Variants in SLC1A1 observed in about 807,000 individuals in gnomAD.
SLC1A1 encodes excitatory amino acid transporter 3.
SLC1A1 carries 43 observed loss-of-function variants against 53.3 expected under a neutral mutation model. That is an observed-to-expected ratio of 0.81 (90% CI 0.63 to 1.04). SLC1A1 has a LOEUF of 1.04. SLC1A1 is among the 50% of genes least tolerant of loss of function. The pLI is 0.00. For synonymous variants in SLC1A1, 307 were observed against 243.2 expected (o/e 1.26, Z -2.44); for missense variants, 748 against 664.9 (o/e 1.12, Z -1.37).
At chr9:4,530,389 C>T (rs991558298) in intron 1 of SLC1A1, among the ~76,000 whole-genome samples, 1 of 152,168 alleles carries the variant, frequency 6.6e-6, no homozygotes, top group African/African-American at 2.4e-5. Context: ...ACCTTTGATT[C>T]AGGAGCGGCT....
chr9:4,561,584 A>AT (rs745493477), intron 3 of SLC1A1, 43 bp downstream of exon 3: 7 of 1,221,234 alleles, frequency 5.7e-6, no homozygotes, highest in East Asian at 4.6e-5. Context: ...TGTAATGGTG[A>AT]TTTTTTCATT....
chr9:4,567,914 A>G (rs1819639982), intron 6 of SLC1A1, 147 bp downstream of exon 6: 8 of 704,066 alleles, frequency 1.1e-5, no homozygotes, highest in Middle Eastern at 4.6e-4. Context: ...CCCAAAATCC[A>G]TACTTAAGGG....
At chr9:4,491,266 G>C (rs1326770260) in intron 1 of SLC1A1, among the ~76,000 whole-genome samples, 1 of 152,182 alleles carries the variant, frequency 6.6e-6, no homozygotes, top group East Asian at 1.9e-4. Context: ...GGGGAGGGAG[G>C]CTGAGAACGC....
Position 4,576,109 on chromosome 9 carries a change from C to G in SLC1A1, c.984C>G (p.Leu328=). 1 of 1,613,990 alleles carries G rather than the reference C, an allele frequency of 6.2e-7. No individual in the cohort carries two copies. The highest frequency in any genetic ancestry group is 1.1e-5 in the South Asian group (1 of 91,074). ...TGGCCCAGGCTCTCCTGACAGCTCT[C>G]ATGATCTCTTCCAGGTAAACAGAAG... ...MGMAQALLTA[L]MISSSSATLP... The change falls in exon 9 of 12, where the codon CTC becomes CTG. Residue 328 remains leucine, a synonymous_variant. Transcript: ENST00000262352.
At position 4,585,468 on chromosome 9, in the gene SLC1A1, A is replaced by G; in HGVS notation, c.1485A>G (p.Glu495=). ...TGGAATCCACAATCCTTGACAACGA[A>G]GACTCAGACACCAAGAAGTCTTATG... ...FALESTILDN[E]DSDTKKSYVN... is the part of the protein sequence containing the mutation. The change falls in exon 12 of 12, where the codon GAA becomes GAG. Residue 495 remains glutamate (E), a synonymous_variant. Transcript: ENST00000262352. 1.2e-6 allele frequency: 2 copies of G among 1,614,202 alleles called. No individual in the cohort carries two copies. The highest frequency in any genetic ancestry group is 1.7e-6 in the Non-Finnish European group (2 of 1,180,042).
At chr9:4,528,287 T>C (rs115041580) in intron 1 of SLC1A1, among the ~76,000 whole-genome samples, 1 of 150,368 alleles carries the variant, frequency 6.7e-6, no homozygotes, top group Non-Finnish European at 1.5e-5. Context: ...AAATGCAAGT[T>C]AGGAGGTGGG....
intron 2 of SLC1A1, chr9:4,560,096 T>A (rs1048054095): frequency 6.6e-5 from 10 of 152,234 alleles, no homozygotes; most frequent in African/African-American, 2.4e-4. Context: ...TCTCTGACAT[T>A]ACCTGTGCCC....
At position 4,518,139 on chromosome 9, in the gene SLC1A1, G is replaced by A. The variant is rs562998244; in HGVS notation, c.92-26428G>A. On this transcript the variant is annotated intron_variant, in intron 1 of 11. Coordinates refer to ENST00000262352, the MANE Select transcript of SLC1A1 (RefSeq NM_004170.6). ...TAATCCCAGCTACTCAGGAGGCTGA[G>A]GCAGGAGAATTGCTGAACCTGGGAG... Among the ~76,000 whole-genome samples, 6 of 147,862 alleles carry A rather than the reference G, an allele frequency of 4.1e-5. No individual in the cohort carries two copies. The South Asian group carries it at 1.1e-3, about 26-fold the overall frequency.
chr9:4,512,329 G>A (rs917814235), intron 1 of SLC1A1, among the ~76,000 whole-genome samples: 4 of 151,980 alleles, frequency 2.6e-5, no homozygotes, highest in Non-Finnish European at 5.9e-5. Context: ...CTTGGGCAAC[G>A]TGGCAAAACT....
intron 1 of SLC1A1, among the ~76,000 whole-genome samples, chr9:4,517,920 A>G (rs1193757535): frequency 6.6e-6 from 1 of 151,964 alleles, no homozygotes; most frequent in East Asian, 1.9e-4. Flanking sequence ...AATGTATTTC[A>G]ACCCTATCTT....
At chr9:4,574,809 C>G (rs891756176) in intron 8 of SLC1A1, among the ~76,000 whole-genome samples, 1 of 152,230 alleles carries the variant, frequency 6.6e-6, no homozygotes, top group African/African-American at 2.4e-5. Context: ...GAGCAATGAA[C>G]TCACCTATTG....
At chr9:4,505,410 A>C (rs1016451895) in intron 1 of SLC1A1, among the ~76,000 whole-genome samples, 9 of 152,000 alleles carry the variant, frequency 5.9e-5, no homozygotes, top group South Asian at 2.1e-4. Context: ...TTTTAAGTTC[A>C]CAGAACAGTT....
chr9:4,576,371 C>G (rs529934894), intron 9 of SLC1A1, among the ~76,000 whole-genome samples, 198 bp from the exon 10 acceptor site: 1 of 152,352 alleles, frequency 6.6e-6, no homozygotes, highest in Admixed American at 6.5e-5. Flanking sequence ...ACAGCACCTT[C>G]TGATTCCTGG....
At chr9:4,584,601 G>C (rs949533199) in intron 11 of SLC1A1, among the ~76,000 whole-genome samples, 1 of 152,176 alleles carries the variant, frequency 6.6e-6, no homozygotes, top group Admixed American at 6.5e-5. Flanking sequence ...GATTCCCCCT[G>C]CATGCAGTTC....
Position 4,585,465 on chromosome 9 carries a change from C to G in SLC1A1, c.1482C>G (p.Asn494Lys). The change falls in exon 12 of 12, where the codon AAC (asparagine) becomes AAG (lysine). Residue 494 changes from asparagine to lysine, a missense_variant. Physicochemically the swap from Asn to Lys is moderately conservative, Grantham distance 94 (BLOSUM62 0). Transcript: ENST00000262352. ...PFALESTILD[N>K]EDSDTKKSYV... ...CCTTGGAATCCACAATCCTTGACAA[C>G]GAAGACTCAGACACCAAGAAGTCTT... The G allele has an allele frequency of 6.2e-7, 1 of 1,614,122 alleles. No individual in the cohort carries two copies. Among genetic ancestry groups the G allele is most frequent in the Non-Finnish European group, 8.5e-7 (1 of 1,180,006 alleles).
intron 1 of SLC1A1, among the ~76,000 whole-genome samples, chr9:4,499,532 T>A (rs1161308548): frequency 6.6e-6 from 1 of 152,240 alleles, no homozygotes; most frequent in East Asian, 1.9e-4. Flanking sequence ...CTGAAATGAT[T>A]CTGATTTTTG....
At position 4,572,235 on chromosome 9, in the gene SLC1A1, T is replaced by A. The variant is rs1269558280; in HGVS notation, c.614T>A (p.Met205Lys). 6.2e-7 allele frequency: 1 copy of A among 1,613,806 alleles called. No homozygotes were observed. The highest frequency in any genetic ancestry group is 8.5e-7 in the Non-Finnish European group (1 of 1,179,672). Residue 205 changes from methionine to lysine, a missense_variant, in exon 7 of 12, where the codon ATG (methionine) becomes AAG (lysine). Transcript: ENST00000262352. Reference sequence around the variant, plus strand: ...ACAAAGGAATACAAAATTGTTGGCATGTATTCAGATGGCATAAACGTCCTG... The same window carrying A: ...ACAAAGGAATACAAAATTGTTGGCAAGTATTCAGATGGCATAAACGTCCTG... ...NKTKEYKIVGMYSDGINVLGL... is the reference protein window; with the variant it reads ...NKTKEYKIVGKYSDGINVLGL...
rs1586779520 is a variant in SLC1A1 at position 4,556,292 on chromosome 9, T to A, written c.233-5157T>A. Among the ~76,000 whole-genome samples, 1 of 152,226 alleles carries A rather than the reference T, an allele frequency of 6.6e-6. No homozygotes were observed. Among genetic ancestry groups the A allele is most frequent in the Non-Finnish European group, 1.5e-5 (1 of 68,034 alleles). On this transcript the variant is annotated intron_variant, in intron 2 of 11. Transcript: ENST00000262352. The surrounding 1 kb of genome is among the most constrained non-coding windows in gnomAD (Gnocchi z 4.1). ...GCCTGGGCCTCCCAAAGTGCTGGGA[T>A]TACCGGCGTGAGCCACTACGCCCCG...
intron 1 of SLC1A1, among the ~76,000 whole-genome samples, chr9:4,495,712 T>C (rs957788537): frequency 2.0e-5 from 3 of 151,010 alleles, no homozygotes; most frequent in Non-Finnish European, 4.4e-5. Context: ...GGCAGAGCAA[T>C]AGGGTGGTTC....
Sources: gnomAD v4.1 joint callset for allele counts (sites outside exome capture counted in the v4.1 genomes callset) on GRCh38, gnomAD v4.1.1 for gene constraint, Gnocchi (gnomAD v3.1) non-coding constraint, MANE v1.5 for transcripts, NCBI Gene and HGNC (gene_info 2026-07-23, HGNC 2026-07-21) for gene names.